Variants in ZNF839 observed in about 807,000 individuals in gnomAD.
ZNF839 encodes zinc finger protein 839, also known as renal carcinoma antigen NY-REN-50.
In ZNF839, 38 loss-of-function variants were observed where a neutral mutation model predicts 56.4. That is an observed-to-expected ratio of 0.67 (90% confidence interval 0.52 to 0.88). ZNF839 has a LOEUF of 0.88. Among genes scored for constraint, ZNF839 ranks in the 40% least tolerant of loss-of-function variants. ZNF839 has a pLI of 0.00. For missense variants in ZNF839, 1,091 were observed against 1,177.6 expected, an observed-to-expected ratio of 0.93 and a Z score of 1.08; for synonymous variants, 486 against 493.5, an observed-to-expected ratio of 0.98 and a Z score of 0.20.
intron 3 of ZNF839, 87 bp from the exon 4 acceptor site, chr14:102,334,467 T>A: frequency 1.1e-6 from 1 of 925,158 alleles, no homozygotes. Context: ...AACTTTCTGT[T>A]TTTTATGTTG....
At chr14:102,328,378 ATATATATAT>A (rs2073566867) in intron 2 of ZNF839, among the ~76,000 whole-genome samples, 10 of 45,190 alleles carry the variant, frequency 2.2e-4, no homozygotes, top group African/African-American at 9.0e-4. Context: ...AAAAAAAAAT[ATATATATAT>A]ATATATATAT....
At position 102,342,211 on chromosome 14, in the gene ZNF839, C is replaced by T. The variant is rs757110485; in HGVS notation, c.*32C>T. 1.0e-5 allele frequency: 16 copies of T among 1,552,870 alleles called. No individual in the cohort carries two copies. In the African/African-American group the frequency reaches 1.1e-4, roughly 11 times the overall value. On this transcript the variant is annotated 3_prime_UTR_variant, in exon 8 of 8. Transcript: ENST00000442396. ...TTCCTCTAGAAGCTGTGGAGTCGGT[C>T]GTCACCGTGGAGCCAGAGCCCTCAC... is the stretch of plus-strand genomic sequence containing the variant.
chr14:102,322,576 TG>T (rs1175317909), intron 1 of ZNF839, among the ~76,000 whole-genome samples: 1 of 152,206 alleles, frequency 6.6e-6, no homozygotes, highest in African/African-American at 2.4e-5. Flanking sequence ...ATTATGTTTT[TG>T]TTTTGGGGTT....
rs1312452456 is a variant in ZNF839, at chr14:102,331,759, C to T, written c.1329C>T (p.Leu443=). 2 of 1,602,348 alleles carry T rather than the reference C, an allele frequency of 1.2e-6. No homozygotes were observed. The highest frequency in any genetic ancestry group is 1.3e-5 in the African/African-American group (1 of 74,742). The change falls in exon 3 of 8, where the codon CTC becomes CTT. Residue 443 remains leucine (L), a synonymous_variant. Coordinates refer to ENST00000442396, the MANE Select transcript of ZNF839 (RefSeq NM_018335.6). ...TTGCAGAGTCCCGCACAGCTGTCCT[C>T]CAGCAGAGAAGAGCTGCTCAGCTAC... ...ETLAESRTAV[L]QQRRAAQLPG...
At chr14:102,329,370 GCAGC>G (rs2073651836) in intron 2 of ZNF839, among the ~76,000 whole-genome samples, 1 of 151,950 alleles carries the variant, frequency 6.6e-6, no homozygotes, top group Non-Finnish European at 1.5e-5. Context: ...GTTTAGAAAT[GCAGC>G]TGATTTTGTG....
intron 1 of ZNF839, among the ~76,000 whole-genome samples, chr14:102,324,231 A>G (rs941079548): frequency 2.6e-5 from 4 of 152,130 alleles, no homozygotes; most frequent in Non-Finnish European, 1.5e-5. Context: ...CTTTTAGAGT[A>G]CTAAAAACTC....
Position 102,335,831 on chromosome 14 carries a change from A to C in ZNF839, c.1652A>C (p.Asn551Thr), listed in dbSNP as rs181795004. The stretch of plus-strand genomic sequence containing the variant: ...TCCCAGGAGACCCTGGAAATAAACA[A>C]TGATAAGGTAACAATCTCCCATGGC... Reference protein sequence around the residue: ...LCSQETLEINNDKVAESLGIT... With the variant: ...LCSQETLEINTDKVAESLGIT... Residue 551 changes from asparagine to threonine, a missense_variant, in exon 5 of 8, where the codon AAT becomes ACT. Transcript: ENST00000442396. 6.4e-5 allele frequency: 103 copies of C among 1,609,836 alleles called. No individual in the cohort carries two copies. The highest frequency in any genetic ancestry group is 2.7e-4 in the Admixed American group (16 of 59,872).
chr14:102,320,075 G>A (rs987627261), intron 1 of ZNF839, 22 bp downstream of exon 1: 2 of 1,181,642 alleles, frequency 1.7e-6, no homozygotes, highest in Non-Finnish European at 2.1e-6. Flanking sequence ...GGAGGGACGT[G>A]GGGAAACTGA....
chr14:102,326,910 T>C lies in ZNF839; in HGVS notation c.1191+23T>C, dbSNP rs367720423. The C allele has an allele frequency of 1.0e-5, 16 of 1,556,692 alleles. No homozygotes were observed. The highest frequency in any genetic ancestry group is 5.5e-5 in the African/African-American group (4 of 72,844). On this transcript the variant is annotated intron_variant, in intron 2 of 7. Coordinates refer to ENST00000442396, the MANE Select transcript of ZNF839 (RefSeq NM_018335.6). This position sits in a 1 kb window ranked among gnomAD's most constrained non-coding sequence, Gnocchi z 4.3. The stretch of plus-strand genomic sequence containing the variant: ...CAGGTAATGTTTCTGTCTGGGTATG[T>C]GTCTTTTTATTTGGCCGTTCTCGGA...
chr14:102,336,380 C>T (rs1194766843), intron 5 of ZNF839, among the ~76,000 whole-genome samples: 4 of 151,790 alleles, frequency 2.6e-5, no homozygotes, highest in East Asian at 3.9e-4. Context: ...CTGTAACTGC[C>T]GCCTCCCAGG....
At chr14:102,320,797 G>A (rs201103324) in intron 1 of ZNF839, among the ~76,000 whole-genome samples, 1 of 152,174 alleles carries the variant, frequency 6.6e-6, no homozygotes, top group East Asian at 1.9e-4. Flanking sequence ...TGGTTGCTAG[G>A]GGGGTGATAA....
At chr14:102,328,392 A>ATG (rs2073572309) in intron 2 of ZNF839, among the ~76,000 whole-genome samples, 1 of 79,102 alleles carries the variant, frequency 1.3e-5, no homozygotes, top group South Asian at 3.6e-4. Context: ...ATATATATAT[A>ATG]TATATATATA....
chr14:102,331,601 T>C, intron 2 of ZNF839, 21 bp from the exon 3 acceptor site: 2 of 1,587,930 alleles, frequency 1.3e-6, no homozygotes, highest in Non-Finnish European at 8.6e-7. Flanking sequence ...ATTTTACTTT[T>C]GGGTGTGCAA....
chr14:102,323,296 G>T (rs1277797848), intron 1 of ZNF839, among the ~76,000 whole-genome samples: 1 of 152,266 alleles, frequency 6.6e-6, no homozygotes, highest in African/African-American at 2.4e-5. Flanking sequence ...AGCCACCCAT[G>T]TCAAAGGATT....
At chr14:102,319,099 G>A (rs1044649101), upstream of ZNF839, among the ~76,000 whole-genome samples, 2 of 152,236 alleles carry the variant, frequency 1.3e-5, no homozygotes, top group African/African-American at 4.8e-5. The surrounding 1 kb of genome is among the most constrained non-coding windows in gnomAD (Gnocchi z 4.5). Context: ...TGGATAGAGA[G>A]AGGGTGGGTT....
chr14:102,326,960 C>T lies in ZNF839; in HGVS notation c.1191+73C>T, dbSNP rs989070458. On this transcript the variant is annotated intron_variant, in intron 2 of 7. Transcript: ENST00000442396. The surrounding 1 kb of genome is among the most constrained non-coding windows in gnomAD (Gnocchi z 4.3). The stretch of plus-strand genomic sequence containing the variant: ...ATTGCTATAAAGAAATACCTGAGAC[C>T]AGGTATTTTATAAAGAAAAGAGGGT... The T allele has an allele frequency of 1.4e-6, 2 of 1,418,830 alleles. No homozygotes were observed. Among genetic ancestry groups the T allele is most frequent in the East Asian group, 2.5e-5 (1 of 40,250 alleles). 87.9% of individuals were successfully genotyped at this position (1,418,830 alleles called of 1,614,324 possible).
rs1344221241 is a variant in ZNF839 at position 102,328,371 on chromosome 14, AAAAAATATATATATATAT to A, written c.1191+1486_1191+1503del. 4.7e-3 allele frequency among the ~76,000 whole-genome samples: 144 copies of A among 30,650 alleles called. 1 individual carries two copies. Among genetic ancestry groups the A allele is most frequent in the Admixed American group, 0.01 (25 of 2,406 alleles). The allele number at this position is 30,650 out of a possible 152,430, so 20.1% of individuals were successfully genotyped here. A position where few individuals can be genotyped will look rare whatever the true frequency, so the allele number is the denominator to read the frequency against. ...CTCCATCTCAAAAAAAAAAAAAAAAAAAAAATATATATATATATATATATATATATATATATATATGTA... is the reference window on the plus strand; with the variant it reads ...CTCCATCTCAAAAAAAAAAAAAAAAAATATATATATATATATATATATGTA... On this transcript the variant is annotated intron_variant, in intron 2 of 7. Transcript: ENST00000442396.
At chr14:102,329,450 T>C (rs1025644677) in intron 2 of ZNF839, among the ~76,000 whole-genome samples, 1 of 152,084 alleles carries the variant, frequency 6.6e-6, no homozygotes, top group Non-Finnish European at 1.5e-5. Context: ...AGTGGTGTGA[T>C]CTCAGCTCAC....
intron 1 of ZNF839, among the ~76,000 whole-genome samples, 152 bp downstream of exon 1, chr14:102,320,205 C>G (rs770958706): frequency 6.6e-6 from 1 of 152,170 alleles, no homozygotes; most frequent in East Asian, 1.9e-4. Context: ...GCGTTCGGCC[C>G]CCACCTGTCA....
Sources: allele counts gnomAD v4.1 joint callset (sites outside exome capture counted in the v4.1 genomes callset), GRCh38; gene constraint gnomAD v4.1.1; non-coding constraint Gnocchi (gnomAD v3.1); transcripts MANE v1.5; gene names NCBI Gene and HGNC (gene_info 2026-07-23, HGNC 2026-07-21).